DENND6A: variants seen among roughly 807,000 people sequenced by gnomAD.
DENND6A encodes DENN domain containing 6A.
DENND6A carries 43 observed loss-of-function variants against 95.5 expected under a neutral mutation model. The ratio of observed to expected loss-of-function variants is 0.45; its 90% confidence interval spans 0.35 to 0.58. DENND6A has a LOEUF of 0.58. Among genes scored for constraint, DENND6A ranks in the 20% least tolerant of loss-of-function variants. The pLI is 0.00. For synonymous variants in DENND6A, 257 were observed against 260.4 expected (o/e 0.99, Z 0.13); for missense variants, 574 against 736.0 (o/e 0.78, Z 2.55).
At chr3:57,633,424 T>C (rs2070727572) in intron 14 of DENND6A, 70 bp from the exon 15 acceptor site, 1 of 1,226,794 alleles carries the variant, frequency 8.2e-7, no homozygotes, top group African/African-American at 1.5e-5. Context: ...ACTATCAGAT[T>C]CAATTGCTAT....
At chr3:57,689,444 T>C (rs2077241072) in intron 1 of DENND6A, among the ~76,000 whole-genome samples, 2 of 152,202 alleles carry the variant, frequency 1.3e-5, no homozygotes, top group Non-Finnish European at 2.9e-5. Flanking sequence ...TCAAACCTTG[T>C]TCCAGAGGAC....
intron 9 of DENND6A, among the ~76,000 whole-genome samples, chr3:57,654,468 CT>C (rs2071281985): frequency 6.6e-6 from 1 of 152,110 alleles, no homozygotes; most frequent in Non-Finnish European, 1.5e-5. Context: ...GCCAAAATAA[CT>C]TGTTTCTCAA....
At chr3:57,663,333 C>T (rs1346488925) in intron 5 of DENND6A, among the ~76,000 whole-genome samples, 2 of 149,906 alleles carry the variant, frequency 1.3e-5, no homozygotes, top group East Asian at 2.0e-4. Context: ...AGGCGTCGGG[C>T]GGGCACCTGT....
At chr3:57,651,200 A>G (rs1306528507) in intron 9 of DENND6A, among the ~76,000 whole-genome samples, 2 of 152,244 alleles carry the variant, frequency 1.3e-5, no homozygotes, top group Non-Finnish European at 2.9e-5. Context: ...GTACGCATTC[A>G]GTATGCTCCT....
intron 9 of DENND6A, among the ~76,000 whole-genome samples, chr3:57,655,922 A>G (rs1328741034): frequency 2.0e-5 from 3 of 152,244 alleles, no homozygotes; most frequent in Non-Finnish European, 4.4e-5. Flanking sequence ...ATTTATGCCA[A>G]TTCTGCAAAT....
Position 57,663,674 on chromosome 3 carries a change from C to T in DENND6A, c.475G>A (p.Val159Ile). The change falls in exon 5 of 20, where the codon GTT becomes ATT. Residue 159 changes from valine to isoleucine, a missense_variant. Around this residue, in one of 2 missense-constraint regions of DENND6A, gnomAD observed 452 missense variants for 630.9 expected, o/e 0.72. Transcript: ENST00000311128. ...YFYGYVYFRQVRDKTLKRGYF... is the reference protein window; with the variant it reads ...YFYGYVYFRQIRDKTLKRGYF... Reference sequence around the variant, plus strand: ...CCTCTTTTTAGAGTTTTATCTCGAACTTGTCGGAAATACACATATCCATAA... The same window carrying T: ...CCTCTTTTTAGAGTTTTATCTCGAATTTGTCGGAAATACACATATCCATAA... The T allele has an allele frequency of 6.3e-7, 1 of 1,584,668 alleles. No individual in the cohort carries two copies. The highest frequency in any genetic ancestry group is 8.6e-7 in the Non-Finnish European group (1 of 1,163,968).
Sources: gnomAD v4.1 joint callset for allele counts (sites outside exome capture counted in the v4.1 genomes callset) on GRCh38, gnomAD v4.1.1 for gene constraint, gnomAD v4.1.1 regional missense constraint, MANE v1.5 for transcripts, NCBI Gene and HGNC (gene_info 2026-07-23, HGNC 2026-07-21) for gene names.